The following WDR64 variants were observed in gnomAD, a reference collection of about 807,000 sequenced individuals.
The protein encoded by WDR64 is WD repeat-containing protein 64.
In WDR64, 112 loss-of-function variants were observed where a neutral mutation model predicts 139.3. The ratio of observed to expected loss-of-function variants is 0.80; its 90% confidence interval spans 0.69 to 0.94. The LOEUF (loss-of-function observed/expected upper bound fraction) is 0.94. Among genes scored for constraint, WDR64 ranks in the 40% least tolerant of loss-of-function variants. The pLI is 0.00. For missense variants in WDR64, 1,206 were observed against 1,293.1 expected, an observed-to-expected ratio of 0.93 and a Z score of 1.03; for synonymous variants, 444 against 437.7, an observed-to-expected ratio of 1.01 and a Z score of -0.18.
intron 14 of WDR64, among the ~76,000 whole-genome samples, chr1:241,751,377 G>C (rs999545697): frequency 6.6e-6 from 1 of 152,174 alleles, no homozygotes. Flanking sequence ...GCAGGTGGAA[G>C]TTGGAGCTGA....
rs149234887 is a variant in WDR64 at position 241,745,647 on chromosome 1, C to T, written c.1594+1131C>T. On this transcript the variant is annotated intron_variant, in intron 13 of 27. Transcript: ENST00000437684. ...GTTTATTTATTTGGAGTCAGAGTCT[C>T]ACTGTGTTGCCCAGGCTGGTCTTAA... 4.1e-4 allele frequency among the ~76,000 whole-genome samples: 59 copies of T among 144,498 alleles called. 1 individual carries two copies. The East Asian group carries it at 0.011, about 27-fold the overall frequency. 94.8% of individuals were successfully genotyped at this position (144,498 alleles called of 152,430 possible).
At chr1:241,671,230 A>G in intron 3 of WDR64, 54 bp downstream of exon 3, 1 of 1,148,384 alleles carries the variant, frequency 8.7e-7, no homozygotes, top group Non-Finnish European at 1.3e-6. Context: ...ATTTTCCTCA[A>G]GAATACTGGA....
intron 14 of WDR64, among the ~76,000 whole-genome samples, 193 bp from the exon 15 acceptor site, chr1:241,757,090 A>G (rs1670220315): frequency 1.3e-5 from 2 of 152,180 alleles, no homozygotes; most frequent in South Asian, 4.1e-4. Context: ...CTAACATCAT[A>G]TTCACATTAC....
At chr1:241,759,788 C>T (rs182178029) in intron 15 of WDR64, among the ~76,000 whole-genome samples, 8 of 152,186 alleles carry the variant, frequency 5.3e-5, no homozygotes, top group Admixed American at 4.6e-4. Flanking sequence ...TAAGTATATT[C>T]ACATTGTTGC....
chr1:241,742,569 A>G lies in WDR64; in HGVS notation c.1470+905A>G, dbSNP rs564098342. ...CATGGCAACGTCGGGAAGTTACCCT[A>G]CATTGTCTAAATAGGGGAGGCATGA... On this transcript the variant is annotated intron_variant, in intron 12 of 27. Coordinates refer to ENST00000437684, the MANE Select transcript of WDR64 (RefSeq NM_001367482.1). Among the ~76,000 whole-genome samples the G allele has an allele frequency of 1.1e-4, 17 of 152,302 alleles. No homozygotes were observed. The East Asian group carries it at 3.1e-3, about 28-fold the overall frequency.
chr1:241,778,904 C>T (rs995078733), intron 21 of WDR64, among the ~76,000 whole-genome samples: 7 of 152,102 alleles, frequency 4.6e-5, no homozygotes, highest in East Asian at 3.9e-4. Flanking sequence ...AACCATTATC[C>T]GGTAGATCAA....
chr1:241,773,028 A>G (rs1217813693), intron 20 of WDR64, 97 bp downstream of exon 20: 3 of 1,347,356 alleles, frequency 2.2e-6, no homozygotes, highest in Middle Eastern at 2.0e-4. Context: ...GCATCCAATT[A>G]TAATATTTTT....
At chr1:241,786,188 T>C (rs1451404074) in intron 23 of WDR64, among the ~76,000 whole-genome samples, 1 of 152,212 alleles carries the variant, frequency 6.6e-6, no homozygotes, top group Non-Finnish European at 1.5e-5. Context: ...CACTGTCAAG[T>C]GGGAGAAGTC....
At position 241,801,383 on chromosome 1, in the gene WDR64, A is replaced by G. The variant is rs1659522466; in HGVS notation, c.*168A>G. The G allele has an allele frequency of 7.3e-6, 4 of 544,928 alleles. No homozygotes were observed. In the South Asian group the frequency reaches 1.4e-4, roughly 19 times the overall value. 33.8% of individuals were successfully genotyped at this position (544,928 alleles called of 1,614,324 possible). A position where few individuals can be genotyped will look rare whatever the true frequency, so the allele number is the denominator to read the frequency against. On this transcript the variant is annotated 3_prime_UTR_variant, in exon 28 of 28. Transcript: ENST00000437684. ...TGCTTAGGGAGTTCTGGTGACCTTAACTCTGAATACCAAGCAAGCAGCAAG... is the reference window on the plus strand; with the variant it reads ...TGCTTAGGGAGTTCTGGTGACCTTAGCTCTGAATACCAAGCAAGCAGCAAG...
At chr1:241,702,363 A>G (rs1208263971) in intron 8 of WDR64, among the ~76,000 whole-genome samples, 1 of 152,142 alleles carries the variant, frequency 6.6e-6, no homozygotes, top group African/African-American at 2.4e-5. Flanking sequence ...CAGTTTCCCC[A>G]TCTTTAAATG....
intron 15 of WDR64, among the ~76,000 whole-genome samples, chr1:241,757,821 C>T (rs1043855557): frequency 2.0e-5 from 3 of 151,898 alleles, no homozygotes; most frequent in Non-Finnish European, 4.4e-5. Context: ...AACATTGTGT[C>T]ATTTCATCCC....
intron 8 of WDR64, among the ~76,000 whole-genome samples, chr1:241,705,240 C>A (rs1280522260): frequency 6.6e-6 from 1 of 151,878 alleles, no homozygotes; most frequent in African/African-American, 2.4e-5. Flanking sequence ...TATTTTTTTT[C>A]TTTTTAGAGA....
chr1:241,721,296 T>C (rs185410624), intron 9 of WDR64, among the ~76,000 whole-genome samples: 1 of 152,150 alleles, frequency 6.6e-6, no homozygotes, highest in Non-Finnish European at 1.5e-5. Context: ...TTGGTTCCAC[T>C]TAAATTTTAA....
At chr1:241,700,392 T>C (rs1180106032) in intron 8 of WDR64, among the ~76,000 whole-genome samples, 1 of 151,958 alleles carries the variant, frequency 6.6e-6, no homozygotes, top group East Asian at 2.0e-4. Flanking sequence ...CTCCCTCCTT[T>C]GAGCTTGCCC....
intron 9 of WDR64, among the ~76,000 whole-genome samples, chr1:241,714,026 T>C (rs1442545197): frequency 2.6e-5 from 4 of 152,142 alleles, no homozygotes; most frequent in Non-Finnish European, 5.9e-5. Context: ...TGTCAAGTGT[T>C]GATTGGACAT....
chr1:241,800,341 CTTCT>C (rs753569306), intron 27 of WDR64, among the ~76,000 whole-genome samples: 3 of 152,222 alleles, frequency 2.0e-5, no homozygotes, highest in Non-Finnish European at 4.4e-5. Context: ...TTCCCTTTTT[CTTCT>C]TTCTTTCTTT....
At chr1:241,749,838 T>C in intron 14 of WDR64, 116 bp downstream of exon 14, 2 of 1,204,752 alleles carry the variant, frequency 1.7e-6, no homozygotes, top group Non-Finnish European at 2.3e-6. Flanking sequence ...GAAGATGGTA[T>C]TTATCCTCAG....
At chr1:241,780,521 T>C (rs1658807115) in intron 22 of WDR64, among the ~76,000 whole-genome samples, 1 of 152,198 alleles carries the variant, frequency 6.6e-6, no homozygotes, top group Admixed American at 6.5e-5. Flanking sequence ...TTTAAAATAT[T>C]ATACCAAGGA....
chr1:241,702,286 T>G (rs1667746408), intron 8 of WDR64, among the ~76,000 whole-genome samples: 1 of 150,498 alleles, frequency 6.6e-6, no homozygotes, highest in African/African-American at 2.4e-5. Context: ...GAGACAGAAC[T>G]GGTTTCTGTC....
Sources: gnomAD v4.1 joint callset for allele counts (sites outside exome capture counted in the v4.1 genomes callset) on GRCh38, gnomAD v4.1.1 for gene constraint, MANE v1.5 for transcripts, NCBI Gene and HGNC (gene_info 2026-07-23, HGNC 2026-07-21) for gene names.